Variants in CALD1 observed in about 807,000 individuals in gnomAD.
The protein encoded by CALD1 is caldesmon.
Under a neutral mutation model 99.9 loss-of-function variants are expected in CALD1, and 33 were observed. That is an observed-to-expected ratio of 0.33 (90% CI 0.25 to 0.44). The LOEUF (loss-of-function observed/expected upper bound fraction) is 0.44. CALD1 is among the 20% of genes least tolerant of loss of function. The pLI, the probability that CALD1 is intolerant of heterozygous loss-of-function variation, is 1.00. For synonymous variants in CALD1, 310 were observed against 325.0 expected, an observed-to-expected ratio of 0.95 and a Z score of 0.50; for missense variants, 861 against 962.1, an observed-to-expected ratio of 0.89 and a Z score of 1.39.
the CALD1 span, among the ~76,000 whole-genome samples, chr7:134,725,878 G>A: frequency 3.3e-5 from 5 of 152,296 alleles, no homozygotes; most frequent in East Asian, 1.9e-4. Flanking sequence ...TTGGAGTGAC[G>A]TGGCCAAGGC....
chr7:134,908,263 A>T (rs942368383), intron 3 of CALD1, among the ~76,000 whole-genome samples: 2 of 152,234 alleles, frequency 1.3e-5, no homozygotes, highest in Non-Finnish European at 2.9e-5. Context: ...ACATGTTTAA[A>T]AAGTTTTAAA....
At chr7:134,922,705 C>CCCTGG (rs1210385096) in intron 3 of CALD1, among the ~76,000 whole-genome samples, 1 of 152,166 alleles carries the variant, frequency 6.6e-6, no homozygotes, top group Non-Finnish European at 1.5e-5. Context: ...TATATTTAGA[C>CCCTGG]CCTGGCCCTT....
rs780623139 is a variant in CALD1, at chr7:134,934,007, T to G, written c.1238T>G (p.Ile413Arg). Residue 413 changes from isoleucine (I) to arginine (R), a missense_variant, in exon 5 of 15, where the codon ATA becomes AGA. Ile to Arg is a moderately conservative substitution (Grantham distance 97). This residue lies in a region of CALD1 where 293 missense variants were observed against 262.7 expected (regional missense o/e 1.12). Transcript: ENST00000361675. ...KIKGEKVEQK[I>R]EGKWVNEKKA... ...AAAGGGGAAAAGGTAGAACAGAAAATAGAAGGGAAATGGGTAAATGAAAAG... is the reference window on the plus strand; with the variant it reads ...AAAGGGGAAAAGGTAGAACAGAAAAGAGAAGGGAAATGGGTAAATGAAAAG... The G allele has an allele frequency of 1.9e-6, 3 of 1,613,156 alleles. No individual in the cohort carries two copies. The African/African-American group carries it at 4.0e-5, about 22-fold the overall frequency.
chr7:134,792,484 G>A (rs1400758800), intron 1 of CALD1, among the ~76,000 whole-genome samples: 2 of 151,666 alleles, frequency 1.3e-5, no homozygotes, highest in African/African-American at 4.8e-5. Context: ...TAGAGACAAG[G>A]TTTTGCCATG....
intron 1 of CALD1, among the ~76,000 whole-genome samples, chr7:134,802,945 T>C (rs1798001639): frequency 6.6e-6 from 1 of 152,262 alleles, no homozygotes; most frequent in African/African-American, 2.4e-5. Context: ...ATGTACATGT[T>C]TGTCTTTACA....
intron 1 of CALD1, among the ~76,000 whole-genome samples, chr7:134,787,336 C>T (rs917089951): frequency 3.9e-5 from 6 of 152,158 alleles, no homozygotes; most frequent in Non-Finnish European, 7.4e-5. Flanking sequence ...CTTTTCCAGC[C>T]ATCATTACTA....
chr7:134,820,573 G>T (rs1399596193), intron 1 of CALD1, among the ~76,000 whole-genome samples: 2 of 152,152 alleles, frequency 1.3e-5, no homozygotes, highest in East Asian at 1.9e-4. Flanking sequence ...ACTGTTCCTG[G>T]AAGAAGTCTT....
At chr7:134,725,105 A>G in the CALD1 span, among the ~76,000 whole-genome samples, 1 of 152,202 alleles carries the variant, frequency 6.6e-6, no homozygotes, top group Non-Finnish European at 1.5e-5. Context: ...TGCTCCTGAC[A>G]GCCAGAAAGA....
the CALD1 span, among the ~76,000 whole-genome samples, chr7:134,733,404 G>C: frequency 6.6e-6 from 1 of 152,180 alleles, no homozygotes; most frequent in Admixed American, 6.5e-5. Flanking sequence ...CCACAGAACT[G>C]TTTTCAGAAT....
chr7:134,943,822 C>T (rs1017916543), intron 7 of CALD1, among the ~76,000 whole-genome samples: 1 of 152,116 alleles, frequency 6.6e-6, no homozygotes, highest in Non-Finnish European at 1.5e-5. Flanking sequence ...TATAATTTTA[C>T]ATTGATTCTT....
chr7:134,811,255 G>C (rs1359130576), intron 1 of CALD1, among the ~76,000 whole-genome samples: 1 of 152,300 alleles, frequency 6.6e-6, no homozygotes, highest in East Asian at 1.9e-4. Flanking sequence ...ATTGAAGAAA[G>C]GGTTGTTTAC....
chr7:134,762,232 T>C (rs1248834465), intron 1 of CALD1, among the ~76,000 whole-genome samples: 1 of 152,194 alleles, frequency 6.6e-6, no homozygotes, highest in Non-Finnish European at 1.5e-5. Context: ...CAGGTTCTCT[T>C]CTAAGTGAGT....
upstream of CALD1, among the ~76,000 whole-genome samples, chr7:134,775,849 GT>G (rs1796914842): frequency 6.6e-6 from 1 of 152,128 alleles, no homozygotes; most frequent in Non-Finnish European, 1.5e-5. Flanking sequence ...CTTAACTCAA[GT>G]TTTATAACTT....
intron 1 of CALD1, among the ~76,000 whole-genome samples, chr7:134,757,188 A>G (rs1306481782): frequency 6.6e-6 from 1 of 151,906 alleles, no homozygotes; most frequent in Non-Finnish European, 1.5e-5. Flanking sequence ...TATTCTCCAT[A>G]TTGGCTTTCC....
chr7:134,830,198 T>C (rs1406197607), intron 1 of CALD1, among the ~76,000 whole-genome samples: 1 of 152,210 alleles, frequency 6.6e-6, no homozygotes, highest in African/African-American at 2.4e-5. Context: ...AATCCACTGT[T>C]GATATTTCCT....
intron 2 of CALD1, among the ~76,000 whole-genome samples, chr7:134,853,311 A>T (rs1268968365): frequency 1.3e-5 from 2 of 152,192 alleles, no homozygotes; most frequent in African/African-American, 4.8e-5. Flanking sequence ...ATCTGCACCT[A>T]GGGGAGCAAA....
chr7:134,905,031 A>C (rs1803268097), intron 3 of CALD1, among the ~76,000 whole-genome samples: 1 of 152,162 alleles, frequency 6.6e-6, no homozygotes, highest in Non-Finnish European at 1.5e-5. Flanking sequence ...AAAAGTAATC[A>C]ACAGGGAGGA....
intron 14 of CALD1, among the ~76,000 whole-genome samples, chr7:134,966,046 C>T (rs1584697125): frequency 6.6e-6 from 1 of 152,174 alleles, no homozygotes; most frequent in Non-Finnish European, 1.5e-5. Flanking sequence ...CAACTCCCAA[C>T]TGTAGCCTTT....
chr7:134,916,431 G>C (rs4585678), intron 3 of CALD1, among the ~76,000 whole-genome samples: 2,827 of 152,306 alleles, frequency 0.019, 82 homozygotes, highest in African/African-American at 0.065. Flanking sequence ...TAAGAAAAAT[G>C]AGAGTGGAAG....
Sources: allele counts gnomAD v4.1 joint callset (sites outside exome capture counted in the v4.1 genomes callset), GRCh38; gene constraint gnomAD v4.1.1; regional missense constraint gnomAD v4.1.1; transcripts MANE v1.5; gene names NCBI Gene and HGNC (gene_info 2026-07-23, HGNC 2026-07-21).